Variants in NRG3 observed in about 807,000 individuals in gnomAD.
NRG3 encodes the protein pro-neuregulin-3, membrane-bound isoform.
Under a neutral mutation model 66.9 loss-of-function variants are expected in NRG3, and 31 were observed. The ratio of observed to expected loss-of-function variants is 0.46; its 90% CI spans 0.35 to 0.63. The LOEUF (loss-of-function observed/expected upper bound fraction) is 0.63. Among genes scored for constraint, NRG3 ranks in the 20% least tolerant of loss-of-function variants. The probability of loss-of-function intolerance (pLI) is 0.00; values close to 1 mark genes in which losing one functional copy is unlikely to be tolerated. For synonymous variants in NRG3, 393 were observed against 359.4 expected (o/e 1.09, Z -1.06); for missense variants, 910 against 878.9 (o/e 1.04, Z -0.45).
rs1853445332 is a variant in NRG3, at chr10:82,986,533, AT to A, written c.*931del. 3 of 152,180 alleles carry A rather than the reference AT, an allele frequency of 2.0e-5. No homozygotes were observed. Among genetic ancestry groups the A allele is most frequent in the Non-Finnish European group, 4.4e-5 (3 of 68,024 alleles). The allele number at this position is 152,180 out of a possible 1,614,324, so 9.4% of individuals were successfully genotyped here. The stretch of plus-strand genomic sequence containing the variant: ...AGGGAATCTACTATTCAGAAAAATT[AT>A]TTCCCTCTTAGATCTTTTCACTTTA... On this transcript the variant is annotated 3_prime_UTR_variant, in exon 9 of 9. Coordinates refer to ENST00000372141, the MANE Select transcript of NRG3 (RefSeq NM_001010848.4).
rs1486526610 is a variant in NRG3, at chr10:82,839,756, T to A, written c.1028-25655T>A. Among the ~76,000 whole-genome samples the A allele has an allele frequency of 2.6e-5, 4 of 152,002 alleles. No individual in the cohort carries two copies. The East Asian group carries it at 7.7e-4, about 29-fold the overall frequency. On this transcript the variant is annotated intron_variant, in intron 3 of 8. Transcript: ENST00000372141. Reference sequence around the variant, plus strand: ...AAAAATACATGAATATATATTTATATGGAAACGTATACTTATAAATGATAA... The same window carrying A: ...AAAAATACATGAATATATATTTATAAGGAAACGTATACTTATAAATGATAA...
intron 1 of NRG3, among the ~76,000 whole-genome samples, chr10:82,174,517 G>T (rs1000781024): frequency 6.6e-6 from 1 of 151,816 alleles, no homozygotes; most frequent in African/African-American, 2.4e-5. Context: ...TTTGTTTTAA[G>T]TTTAGAAATC....
intron 2 of NRG3, among the ~76,000 whole-genome samples, chr10:82,510,405 G>A (rs1443776718): frequency 6.6e-6 from 1 of 151,862 alleles, no homozygotes; most frequent in East Asian, 1.9e-4. Context: ...GGTGAAACAT[G>A]GACCATCCCT....
intron 2 of NRG3, among the ~76,000 whole-genome samples, chr10:82,453,702 G>C (rs1322421012): frequency 6.6e-6 from 1 of 151,374 alleles, no homozygotes; most frequent in Non-Finnish European, 1.5e-5. Flanking sequence ...AAAAAACCTA[G>C]TTTGAACTTA....
chr10:82,644,033 A>G (rs769912709), intron 2 of NRG3, among the ~76,000 whole-genome samples: 5 of 152,160 alleles, frequency 3.3e-5, no homozygotes, highest in African/African-American at 4.8e-5. Context: ...AGCAGCAGTG[A>G]TAAGTCCTTT....
chr10:82,747,451 T>C (rs1273693313), intron 3 of NRG3, among the ~76,000 whole-genome samples: 1 of 152,070 alleles, frequency 6.6e-6, no homozygotes, highest in East Asian at 1.9e-4. Flanking sequence ...TTATATCTGT[T>C]TACATTTCCG....
In NRG3 at chr10:81,885,014, G is replaced by C. The variant is rs181920449; in HGVS notation, c.823+8851G>C. ...TTAACTAAGTACTATGTTGTACAAC[G>C]GATCTCTAGAACTTATTCCTCTTGC... On this transcript the variant is annotated intron_variant, in intron 1 of 8. Transcript: ENST00000372141. 1.3e-3 allele frequency among the ~76,000 whole-genome samples: 197 copies of C among 152,068 alleles called. 1 individual carries two copies. Among genetic ancestry groups the C allele is most frequent in the African/African-American group, 3.8e-3 (156 of 41,488 alleles).
chr10:82,812,904 A>G (rs767656612), intron 3 of NRG3, among the ~76,000 whole-genome samples: 1 of 152,210 alleles, frequency 6.6e-6, no homozygotes, highest in African/African-American at 2.4e-5. Flanking sequence ...CTCCTCTGCA[A>G]TAGTCAAAAC....
chr10:82,012,316 C>T (rs1386895891), intron 1 of NRG3, among the ~76,000 whole-genome samples: 2 of 152,124 alleles, frequency 1.3e-5, no homozygotes, highest in African/African-American at 2.4e-5. Flanking sequence ...CCCTAGGCTA[C>T]AAAGAGCAGG....
intron 2 of NRG3, among the ~76,000 whole-genome samples, chr10:82,717,995 G>A (rs1304751248): frequency 6.6e-6 from 1 of 151,796 alleles, no homozygotes. Flanking sequence ...CCCTCTTCCC[G>A]AAAAGGAGAC....
At chr10:82,005,578 GT>G (rs761791461) in intron 1 of NRG3, among the ~76,000 whole-genome samples, 2 of 152,106 alleles carry the variant, frequency 1.3e-5, no homozygotes, top group Non-Finnish European at 2.9e-5. Context: ...CATTGTGTTG[GT>G]TTCCTGATAC....
intron 1 of NRG3, among the ~76,000 whole-genome samples, chr10:82,132,479 G>GATATATATAACAT (rs2068917451): frequency 1.6e-5 from 1 of 62,498 alleles, no homozygotes. Flanking sequence ...ATATATATAT[G>GATATATATAACAT]ATATATATAT....
At chr10:82,324,248 C>G (rs1298748564) in intron 1 of NRG3, among the ~76,000 whole-genome samples, 2 of 152,188 alleles carry the variant, frequency 1.3e-5, no homozygotes, top group African/African-American at 4.8e-5. Flanking sequence ...AAAAATACCT[C>G]TACAGTCTGT....
intron 2 of NRG3, among the ~76,000 whole-genome samples, chr10:82,416,493 G>A (rs1485419612): frequency 6.6e-6 from 1 of 152,164 alleles, no homozygotes. Context: ...AAAGAGAGGA[G>A]GAGAGAGTTA....
At chr10:82,605,694 C>A (rs1488862072) in intron 2 of NRG3, among the ~76,000 whole-genome samples, 1 of 151,878 alleles carries the variant, frequency 6.6e-6, no homozygotes, top group African/African-American at 2.4e-5. Flanking sequence ...ATTGGTATTG[C>A]TTCCTTAAAT....
intron 1 of NRG3, among the ~76,000 whole-genome samples, chr10:82,157,747 T>A (rs376579798): frequency 7.3e-4 from 65 of 88,570 alleles, no homozygotes; most frequent in African/African-American, 2.8e-3. Flanking sequence ...GGTGTTATTG[T>A]AAGTTAAAAT....
intron 1 of NRG3, among the ~76,000 whole-genome samples, chr10:81,918,642 T>G (rs1464032338): frequency 6.6e-6 from 1 of 152,178 alleles, no homozygotes; most frequent in African/African-American, 2.4e-5. Context: ...TTTTCTTTGA[T>G]ATTATTGGAA....
chr10:82,329,180 C>T (rs1039296777), intron 1 of NRG3, among the ~76,000 whole-genome samples: 8 of 152,016 alleles, frequency 5.3e-5, no homozygotes, highest in Non-Finnish European at 1.2e-4. Context: ...CTTCTTTTCT[C>T]TTTGGCTTGT....
At chr10:82,916,124 A>G (rs1845808291) in intron 4 of NRG3, among the ~76,000 whole-genome samples, 1 of 152,130 alleles carries the variant, frequency 6.6e-6, no homozygotes, top group Non-Finnish European at 1.5e-5. Flanking sequence ...GTTATGACTT[A>G]TTTGTTGTTC....
Sources: allele counts gnomAD v4.1 joint callset (sites outside exome capture counted in the v4.1 genomes callset), GRCh38; gene constraint gnomAD v4.1.1; transcripts MANE v1.5; gene names NCBI Gene and HGNC (gene_info 2026-07-23, HGNC 2026-07-21).